STIM2: variants seen among roughly 807,000 people sequenced by gnomAD.
STIM2 encodes stromal interaction molecule 2.
STIM2 carries 31 observed loss-of-function variants against 85.8 expected under a neutral mutation model. The ratio of observed to expected loss-of-function variants is 0.36; its 90% CI spans 0.27 to 0.49. STIM2 has a LOEUF of 0.49. STIM2 is among the 20% of genes least tolerant of loss of function. STIM2 has a pLI of 0.98. For synonymous variants in STIM2, 356 were observed against 331.1 expected, an observed-to-expected ratio of 1.08 and a Z score of -0.82; for missense variants, 841 against 927.6, an observed-to-expected ratio of 0.91 and a Z score of 1.21.
chr4:26,934,199 GA>G (rs922163657), intron 2 of STIM2, among the ~76,000 whole-genome samples: 8 of 149,182 alleles, frequency 5.4e-5, no homozygotes, highest in Admixed American at 1.3e-4. Context: ...CTCAAAAAAA[GA>G]AAAAAAAATA....
chr4:26,990,675 T>G (rs1439671750), intron 3 of STIM2, among the ~76,000 whole-genome samples: 1 of 152,012 alleles, frequency 6.6e-6, no homozygotes, highest in Non-Finnish European at 1.5e-5. Flanking sequence ...GGGAGAAAAT[T>G]TGCAAACTAT....
At chr4:26,898,845 G>A (rs1362587330) in intron 1 of STIM2, among the ~76,000 whole-genome samples, 1 of 151,898 alleles carries the variant, frequency 6.6e-6, no homozygotes, top group African/African-American at 2.4e-5. Context: ...CTGTCTGCAG[G>A]CATTTAGAAA....
Position 26,861,208 on chromosome 4 carries a change from G to C in STIM2, c.-11G>C, listed in dbSNP as rs369465468. The C allele has an allele frequency of 1.4e-6, 2 of 1,468,722 alleles. No homozygotes were observed. Among genetic ancestry groups the C allele is most frequent in the South Asian group, 2.6e-5 (2 of 77,350 alleles). The allele number at this position is 1,468,722 out of a possible 1,614,324, so 91.0% of individuals were successfully genotyped here. Reference sequence around the variant, plus strand: ...TGGGGCTGGCTGCTGCGGCGGCGGCGCTGGGCTGCGTTGCTGGTGCTCGGG... The same window carrying C: ...TGGGGCTGGCTGCTGCGGCGGCGGCCCTGGGCTGCGTTGCTGGTGCTCGGG... On this transcript the variant is annotated 5_prime_UTR_variant, in exon 1 of 12. Coordinates refer to ENST00000467087, the MANE Select transcript of STIM2 (RefSeq NM_020860.4).
intron 1 of STIM2, 34 bp downstream of exon 1, chr4:26,861,403 C>A: frequency 7.8e-7 from 1 of 1,282,522 alleles, no homozygotes; most frequent in African/African-American, 1.6e-5. Flanking sequence ...CGGGGCTCGG[C>A]CGGCAGCGAT....
intron 1 of STIM2, among the ~76,000 whole-genome samples, chr4:26,875,572 A>G (rs1054319247): frequency 2.0e-5 from 3 of 151,694 alleles, no homozygotes; most frequent in Non-Finnish European, 3.0e-5. Flanking sequence ...AATTTATCAT[A>G]TAACAACGTG....
chr4:26,951,883 G>T (rs886543968), intron 2 of STIM2, among the ~76,000 whole-genome samples: 3 of 152,134 alleles, frequency 2.0e-5, no homozygotes, highest in Non-Finnish European at 4.4e-5. Flanking sequence ...ACTCAAGTGG[G>T]TATTTAGGTA....
Position 26,959,201 on chromosome 4 carries a change from T to A in STIM2, c.397+1475T>A, listed in dbSNP as rs143893547. Reference sequence around the variant, plus strand: ...GTAAGCCTCTACATGTTCTGCCTTCTGTTTCCACCTCTCTCTCATCTCTTA... The same window carrying A: ...GTAAGCCTCTACATGTTCTGCCTTCAGTTTCCACCTCTCTCTCATCTCTTA... On this transcript the variant is annotated intron_variant, in intron 3 of 11. Transcript: ENST00000467087. Among the ~76,000 whole-genome samples the A allele has an allele frequency of 8.7e-4, 133 of 152,326 alleles. 1 individual carries two copies. In the East Asian group the frequency reaches 0.02, roughly 23 times the overall value.
At chr4:26,946,937 G>T (rs1725854865) in intron 2 of STIM2, among the ~76,000 whole-genome samples, 1 of 152,172 alleles carries the variant, frequency 6.6e-6, no homozygotes, top group Non-Finnish European at 1.5e-5. Context: ...AGTTTTATTT[G>T]ACTATATTTT....
intron 3 of STIM2, among the ~76,000 whole-genome samples, chr4:26,976,000 C>T (rs1727171404): frequency 6.6e-6 from 1 of 152,236 alleles, no homozygotes. Context: ...ACAGTTCAAT[C>T]TCAGACTGCT....
In STIM2 at chr4:27,003,132, G is replaced by GT. The variant is rs778595159; in HGVS notation, c.981+29dup. The GT allele has an allele frequency of 1.2e-5, 19 of 1,544,108 alleles. No homozygotes were observed. The African/African-American group carries it at 2.6e-4, about 21-fold the overall frequency. On this transcript the variant is annotated intron_variant, in intron 7 of 11. Transcript: ENST00000467087. Reference sequence around the variant, plus strand: ...ATTTACATTAAAAAAAAAATCACTTGTAAAGATGTTAACATTGCCACTCTG... The same window carrying GT: ...ATTTACATTAAAAAAAAAATCACTTGTTAAAGATGTTAACATTGCCACTCTG...
At chr4:27,001,941 G>T (rs1560236139) in intron 5 of STIM2, among the ~76,000 whole-genome samples, 1 of 152,112 alleles carries the variant, frequency 6.6e-6, no homozygotes, top group Non-Finnish European at 1.5e-5. Context: ...CTTTTTCAAG[G>T]GTCCCCATGA....
At chr4:26,954,664 A>G (rs1262012878) in intron 2 of STIM2, among the ~76,000 whole-genome samples, 1 of 148,272 alleles carries the variant, frequency 6.7e-6, no homozygotes, top group Non-Finnish European at 1.5e-5. Context: ...AAGTCTGAAC[A>G]ATCAGAATTA....
rs142347537 is a variant in STIM2 at position 26,895,085 on chromosome 4, G to A, written c.152-24419G>A. Among the ~76,000 whole-genome samples the A allele has an allele frequency of 4.4e-3, 673 of 152,314 alleles. 8 individuals are homozygous for A. The highest frequency in any genetic ancestry group is 0.016 in the African/African-American group (650 of 41,576). On this transcript the variant is annotated intron_variant, in intron 1 of 11. Transcript: ENST00000467087. ...AAATTAGCTGGGCATGATGGCGCAC[G>A]CCTGAAATCTCAGCTATCCAGGAGG...
intron 2 of STIM2, among the ~76,000 whole-genome samples, chr4:26,957,402 C>T (rs1265163287): frequency 6.6e-6 from 1 of 152,062 alleles, no homozygotes; most frequent in Admixed American, 6.6e-5. Flanking sequence ...ACTGCTGTTG[C>T]TGGTGGTGGT....
intron 2 of STIM2, among the ~76,000 whole-genome samples, chr4:26,956,443 C>CTTT (rs545865394): frequency 3.4e-4 from 46 of 135,438 alleles, no homozygotes; most frequent in African/African-American, 1.2e-3. Flanking sequence ...ATTTCAATGC[C>CTTT]TTTTTTTTTT....
intron 2 of STIM2, among the ~76,000 whole-genome samples, chr4:26,922,384 T>C (rs991643953): frequency 1.3e-5 from 2 of 151,838 alleles, no homozygotes; most frequent in Non-Finnish European, 2.9e-5. Context: ...TCTGAGAGTA[T>C]ACAGTGTTAA....
chr4:26,999,398 T>A lies in STIM2; in HGVS notation c.625+51T>A, dbSNP rs527426855. The A allele has an allele frequency of 2.7e-5, 30 of 1,124,544 alleles. No homozygotes were observed. In the East Asian group the frequency reaches 7.6e-4, roughly 29 times the overall value. 69.7% of individuals were successfully genotyped at this position (1,124,544 alleles called of 1,614,324 possible). A position where few individuals can be genotyped will look rare whatever the true frequency, so the allele number is the denominator to read the frequency against. ...ATGATGTAAAAGAATATCCTGATCA[T>A]CTCTGTGTTATTTAAGGAAAGAGAA... On this transcript the variant is annotated intron_variant, in intron 5 of 11. Coordinates refer to ENST00000467087, the MANE Select transcript of STIM2 (RefSeq NM_020860.4).
At chr4:26,881,798 A>G (rs908041891) in intron 1 of STIM2, among the ~76,000 whole-genome samples, 1 of 152,202 alleles carries the variant, frequency 6.6e-6, no homozygotes, top group African/African-American at 2.4e-5. Flanking sequence ...ATTGTTGGGT[A>G]GATTCTCATT....
chr4:26,973,736 T>C (rs1727069059), intron 3 of STIM2, among the ~76,000 whole-genome samples: 1 of 152,234 alleles, frequency 6.6e-6, no homozygotes, highest in Non-Finnish European at 1.5e-5. Context: ...TGGAGAGTTC[T>C]GTAGATGTCT....
Sources: gnomAD v4.1 joint callset for allele counts (sites outside exome capture counted in the v4.1 genomes callset) on GRCh38, gnomAD v4.1.1 for gene constraint, MANE v1.5 for transcripts, NCBI Gene and HGNC (gene_info 2026-07-23, HGNC 2026-07-21) for gene names.